FNDC3B: variants seen among roughly 807,000 people sequenced by gnomAD.
The protein encoded by FNDC3B is fibronectin type III domain-containing protein 3B.
FNDC3B carries 12 observed loss-of-function variants against 151.5 expected under a neutral mutation model. That is an observed-to-expected ratio of 0.08 (90% confidence interval 0.05 to 0.13). The LOEUF (loss-of-function observed/expected upper bound fraction) is 0.13, where lower values mean the gene tolerates loss of function less well. Ranked by LOEUF, FNDC3B falls within the 10% of genes least tolerant of loss-of-function variation. The probability of loss-of-function intolerance (pLI) is 1.00; values close to 1 mark genes in which losing one functional copy is unlikely to be tolerated. For synonymous variants in FNDC3B, 528 were observed against 549.0 expected (o/e 0.96, Z 0.54); for missense variants, 1,214 against 1,505.3 (o/e 0.81, Z 3.20).
At chr3:172,345,355 A>G (rs552779965) in intron 19 of FNDC3B, among the ~76,000 whole-genome samples, 18 of 152,350 alleles carry the variant, frequency 1.2e-4, no homozygotes, top group Admixed American at 2.6e-4. Flanking sequence ...TTCAGTTACT[A>G]TCTGCCACAA....
intron 11 of FNDC3B, among the ~76,000 whole-genome samples, chr3:172,313,665 C>T (rs1560072933): frequency 1.3e-5 from 2 of 152,174 alleles, no homozygotes; most frequent in South Asian, 4.1e-4. Context: ...TTTAAGCAGA[C>T]ACAAATAAAA....
At chr3:172,279,895 TATTC>T (rs1442153784) in intron 6 of FNDC3B, among the ~76,000 whole-genome samples, 2 of 151,132 alleles carry the variant, frequency 1.3e-5, no homozygotes, top group Non-Finnish European at 2.9e-5. Context: ...ATTCAACACA[TATTC>T]GTTGTTGTTG....
At chr3:172,243,492 G>A (rs963253850) in intron 4 of FNDC3B, among the ~76,000 whole-genome samples, 2 of 152,122 alleles carry the variant, frequency 1.3e-5, no homozygotes, top group African/African-American at 4.8e-5. Flanking sequence ...AAAAAAAGAG[G>A]TTGTGCAGGG....
In FNDC3B at chr3:172,286,027, G is replaced by A. The variant is rs552008877; in HGVS notation, c.849+43G>A. The A allele has an allele frequency of 6.9e-6, 10 of 1,440,716 alleles. 1 individual carries two copies. In the South Asian group the frequency reaches 1.1e-4, roughly 16 times the overall value. The allele number at this position is 1,440,716 out of a possible 1,614,324, so 89.2% of individuals were successfully genotyped here. On this transcript the variant is annotated intron_variant, in intron 7 of 25. Transcript: ENST00000415807. ...CTCAGCATAAATGACACTTTTTAAA[G>A]TATTTCAAATGTGCTTTTTTTTTTT...
chr3:172,255,942 A>C (rs766468632), intron 6 of FNDC3B, among the ~76,000 whole-genome samples: 4 of 152,194 alleles, frequency 2.6e-5, no homozygotes, highest in Non-Finnish European at 5.9e-5. Context: ...GAACCTTAAG[A>C]GACTGCCCAG....
intron 9 of FNDC3B, 39 bp downstream of exon 9, chr3:172,298,826 C>T (rs1228910529): frequency 6.7e-6 from 10 of 1,486,078 alleles, no homozygotes; most frequent in African/African-American, 1.4e-5. Context: ...ATTGGAGAAT[C>T]CAGGTGGCTA....
rs79949833 is a variant in FNDC3B at position 172,187,880 on chromosome 3, A to G, written c.188-38991A>G. Among the ~76,000 whole-genome samples the G allele has an allele frequency of 8.0e-3, 1,224 of 152,302 alleles. 16 individuals carry two copies. The highest frequency in any genetic ancestry group is 0.027 in the African/African-American group (1,142 of 41,558). The stretch of plus-strand genomic sequence containing the variant: ...AGCAGTTTGCCCACCTTGGCCCCCC[A>G]AAGTCCTGGGATTACAGATATAAGC... On this transcript the variant is annotated intron_variant, in intron 3 of 25. Coordinates refer to ENST00000415807, the MANE Select transcript of FNDC3B (RefSeq NM_022763.4).
rs748278119 is a variant in FNDC3B, at chr3:172,112,531, T to C, written c.52T>C (p.Leu18=). 4 of 1,614,174 alleles carry C rather than the reference T, an allele frequency of 2.5e-6. No individual in the cohort carries two copies. Among genetic ancestry groups the C allele is most frequent in the Admixed American group, 1.7e-5 (1 of 60,026 alleles). The change falls in exon 2 of 26, where the codon TTG becomes CTG. Residue 18 remains leucine (L), a synonymous_variant. Coordinates refer to ENST00000415807, the MANE Select transcript of FNDC3B (RefSeq NM_022763.4). Reference sequence around the variant, plus strand: ...CCAAATCCCTCTGGAACTGCCACCATTGCTGAACGGAGAGGTAGCCATGAT... The same window carrying C: ...CCAAATCCCTCTGGAACTGCCACCACTGCTGAACGGAGAGGTAGCCATGAT... The part of the protein sequence containing the change: ...TDQIPLELPP[L]LNGEVAMMPH...
At chr3:172,234,003 G>A (rs1021413686) in intron 4 of FNDC3B, among the ~76,000 whole-genome samples, 28 of 152,118 alleles carry the variant, frequency 1.8e-4, no homozygotes, top group Non-Finnish European at 3.8e-4. Flanking sequence ...TTACAGACAG[G>A]GTTGGCAATG....
At chr3:172,075,016 T>C (rs1242544121) in intron 1 of FNDC3B, among the ~76,000 whole-genome samples, 1 of 152,238 alleles carries the variant, frequency 6.6e-6, no homozygotes, top group Admixed American at 6.5e-5. Flanking sequence ...TTTGTACCTA[T>C]GTTGCCAAAA....
chr3:172,323,505 A>G (rs1404197573), intron 11 of FNDC3B, among the ~76,000 whole-genome samples: 1 of 152,204 alleles, frequency 6.6e-6, no homozygotes, highest in Non-Finnish European at 1.5e-5. Context: ...CAACAGAGTG[A>G]GACACCTTGT....
chr3:172,316,859 G>C (rs1229592537), intron 11 of FNDC3B, among the ~76,000 whole-genome samples: 1 of 152,194 alleles, frequency 6.6e-6, no homozygotes, highest in African/African-American at 2.4e-5. Context: ...CCTGAGACTG[G>C]TTACTTTATA....
intron 6 of FNDC3B, among the ~76,000 whole-genome samples, chr3:172,264,324 A>G (rs1040612220): frequency 6.6e-6 from 1 of 152,202 alleles, no homozygotes; most frequent in Non-Finnish European, 1.5e-5. Context: ...AATAATGTCA[A>G]GGACAGCAGG....
chr3:172,280,635 T>G (rs1729660983), intron 6 of FNDC3B, among the ~76,000 whole-genome samples: 1 of 152,248 alleles, frequency 6.6e-6, no homozygotes, highest in Non-Finnish European at 1.5e-5. Flanking sequence ...ATAGAGCTGT[T>G]ACAACCAGAA....
At chr3:172,111,899 G>A (rs1719990311) in intron 1 of FNDC3B, among the ~76,000 whole-genome samples, 1 of 152,164 alleles carries the variant, frequency 6.6e-6, no homozygotes, top group African/African-American at 2.4e-5. Flanking sequence ...AATTGTGTGA[G>A]AGCGTGTGTG....
Position 172,133,557 on chromosome 3 carries a change from T to C in FNDC3B, c.187+11T>C. 1 of 1,584,670 alleles carries C rather than the reference T, an allele frequency of 6.3e-7. No individual in the cohort carries two copies. The highest frequency in any genetic ancestry group is 1.1e-5 in the South Asian group (1 of 90,004). On this transcript the variant is annotated intron_variant, in intron 3 of 25. Transcript: ENST00000415807. ...TTCAGTGCATTCAAGGTAAGGACAT[T>C]TTTGGTAAATATTCTAATCAAAGAT...
chr3:172,350,757 G>T (rs1461131823), intron 21 of FNDC3B, among the ~76,000 whole-genome samples: 1 of 152,172 alleles, frequency 6.6e-6, no homozygotes, highest in Non-Finnish European at 1.5e-5. Flanking sequence ...GGAGGCTAAG[G>T]TGGGAGGATC....
chr3:172,246,959 C>T (rs1727813139), intron 4 of FNDC3B, among the ~76,000 whole-genome samples: 1 of 152,152 alleles, frequency 6.6e-6, no homozygotes, highest in Non-Finnish European at 1.5e-5. Flanking sequence ...TCATCCATAT[C>T]CTCAGTCCTA....
chr3:172,387,785 A>T (rs1735794636), intron 25 of FNDC3B, among the ~76,000 whole-genome samples: 1 of 152,198 alleles, frequency 6.6e-6, no homozygotes, highest in Non-Finnish European at 1.5e-5. Flanking sequence ...GCTTCCTGGC[A>T]TAGTCAGTAC....
Sources: allele counts gnomAD v4.1 joint callset (sites outside exome capture counted in the v4.1 genomes callset), GRCh38; gene constraint gnomAD v4.1.1; transcripts MANE v1.5; gene names NCBI Gene and HGNC (gene_info 2026-07-23, HGNC 2026-07-21).